The following ST8SIA6 variants were observed in gnomAD, a reference collection of about 807,000 sequenced individuals.
ST8SIA6 encodes alpha-2,8-sialyltransferase 8F.
In ST8SIA6, 39 loss-of-function variants were observed where a neutral mutation model predicts 33.6. That is an observed-to-expected ratio of 1.16 (90% CI 0.90 to 1.52). ST8SIA6 has a LOEUF of 1.52. Among genes scored for constraint, ST8SIA6 ranks in the 40% most tolerant of loss-of-function variants. The pLI is 0.00. For synonymous variants in ST8SIA6, 172 were observed against 167.2 expected, an observed-to-expected ratio of 1.03 and a Z score of -0.22; for missense variants, 441 against 443.8, an observed-to-expected ratio of 0.99 and a Z score of 0.06.
At chr10:17,363,192 G>T (rs12266415) in intron 3 of ST8SIA6, among the ~76,000 whole-genome samples, 5,662 of 151,858 alleles carry the variant, frequency 0.037, 162 homozygotes, top group East Asian at 0.084. Context: ...TGTATCTATC[G>T]CTTGAGAATT....
chr10:17,437,546 G>T (rs1852312107), intron 2 of ST8SIA6, among the ~76,000 whole-genome samples: 1 of 152,056 alleles, frequency 6.6e-6, no homozygotes, highest in Non-Finnish European at 1.5e-5. Context: ...ACCTTGGAGA[G>T]ATCAACAACA....
intron 2 of ST8SIA6, among the ~76,000 whole-genome samples, chr10:17,426,314 C>T (rs900476899): frequency 6.6e-6 from 1 of 152,112 alleles, no homozygotes; most frequent in African/African-American, 2.4e-5. Context: ...TCTCCCTTTA[C>T]CAATGGGGTG....
In ST8SIA6 at chr10:17,374,748, A is replaced by AT. The variant is rs1554792809; in HGVS notation, c.291-15149_291-15148insA. 4.3e-3 allele frequency among the ~76,000 whole-genome samples: 293 copies of AT among 67,610 alleles called. 4 individuals are homozygous for AT. Among genetic ancestry groups the AT allele is most frequent in the South Asian group, 0.043 (71 of 1,658 alleles). The allele number at this position is 67,610 out of a possible 152,430, so 44.4% of individuals were successfully genotyped here. On this transcript the variant is annotated intron_variant, in intron 3 of 7. Coordinates refer to ENST00000377602, the MANE Select transcript of ST8SIA6 (RefSeq NM_001004470.3). ...TAAATAAATAAATAAATAAATAAATAATAAATATATATATATATATTTAGC... is the reference window on the plus strand; with the variant it reads ...TAAATAAATAAATAAATAAATAAATATATAAATATATATATATATATTTAGC...
chr10:17,417,354 A>G (rs1310897809), intron 2 of ST8SIA6, among the ~76,000 whole-genome samples: 1 of 151,768 alleles, frequency 6.6e-6, no homozygotes, highest in Non-Finnish European at 1.5e-5. Context: ...AAACCCTATC[A>G]CCCTCCATGA....
intron 2 of ST8SIA6, among the ~76,000 whole-genome samples, chr10:17,423,267 T>C (rs1851834714): frequency 6.6e-6 from 1 of 152,254 alleles, no homozygotes; most frequent in Admixed American, 6.5e-5. Context: ...TGCGCACTTC[T>C]GTTCTCGAAA....
chr10:17,355,917 A>G (rs1315855512), intron 4 of ST8SIA6, among the ~76,000 whole-genome samples: 8 of 151,970 alleles, frequency 5.3e-5, no homozygotes, highest in Admixed American at 2.0e-4. Context: ...ATCACTCCCA[A>G]ATTGGTCTCA....
At chr10:17,396,971 C>CT (rs1228708215) in intron 2 of ST8SIA6, among the ~76,000 whole-genome samples, 1 of 152,210 alleles carries the variant, frequency 6.6e-6, no homozygotes, top group Non-Finnish European at 1.5e-5. Flanking sequence ...CCTTTGACCT[C>CT]TGACTACTAC....
At chr10:17,333,640 G>A (rs1478026389) in intron 4 of ST8SIA6, among the ~76,000 whole-genome samples, 2 of 126,658 alleles carry the variant, frequency 1.6e-5, no homozygotes, top group Non-Finnish European at 3.2e-5. Flanking sequence ...AAGCAAAGGG[G>A]AAAGGATTCC....
At chr10:17,354,580 A>T (rs1035386023) in intron 4 of ST8SIA6, among the ~76,000 whole-genome samples, 7 of 152,192 alleles carry the variant, frequency 4.6e-5, no homozygotes, top group Admixed American at 2.0e-4. Flanking sequence ...TCTTTAACTG[A>T]GTTCAACTAG....
intron 2 of ST8SIA6, among the ~76,000 whole-genome samples, chr10:17,439,271 CTTTT>C (rs146928120): frequency 0.04 from 5,003 of 124,208 alleles, 196 homozygotes; most frequent in African/African-American, 0.096. Flanking sequence ...TCTTCCCTCT[CTTTT>C]TTTTTTTTTT....
Position 17,320,844 on chromosome 10 carries a change from A to G in ST8SIA6, c.*34T>C, listed in dbSNP as rs2131570409. The G allele has an allele frequency of 6.3e-7, 1 of 1,596,548 alleles. No individual in the cohort carries two copies. Among genetic ancestry groups the G allele is most frequent in the Non-Finnish European group, 8.6e-7 (1 of 1,165,470 alleles). ...GACATTGTTAATCACCTACTGCATT[A>G]TATTAAAATTATTCCCATTTTAAGA... On this transcript the variant is annotated 3_prime_UTR_variant, in exon 8 of 8. Coordinates refer to ENST00000377602, the MANE Select transcript of ST8SIA6 (RefSeq NM_001004470.3).
chr10:17,383,571 A>G (rs1253834678), intron 3 of ST8SIA6, among the ~76,000 whole-genome samples: 1 of 152,168 alleles, frequency 6.6e-6, no homozygotes, highest in East Asian at 1.9e-4. Flanking sequence ...GCTGTCTTAA[A>G]ACTTCTTTTT....
At chr10:17,325,493 A>G (rs1848103658) in intron 6 of ST8SIA6, among the ~76,000 whole-genome samples, 1 of 145,052 alleles carries the variant, frequency 6.9e-6, no homozygotes, top group Non-Finnish European at 1.5e-5. Context: ...TATTACTACT[A>G]CTGTAATACA....
intron 3 of ST8SIA6, chr10:17,386,790 A>T (rs1005841885): frequency 2.0e-5 from 3 of 152,214 alleles, no homozygotes. Flanking sequence ...TCCCGTAAAC[A>T]GGAAGTGTTT....
intron 2 of ST8SIA6, among the ~76,000 whole-genome samples, chr10:17,437,282 G>A (rs1852299548): frequency 6.6e-6 from 1 of 151,848 alleles, no homozygotes; most frequent in Non-Finnish European, 1.5e-5. Flanking sequence ...GCCTCAACCT[G>A]CCAAGTAGTT....
chr10:17,343,115 G>T (rs1413385748), intron 4 of ST8SIA6, among the ~76,000 whole-genome samples: 1 of 152,124 alleles, frequency 6.6e-6, no homozygotes. Flanking sequence ...AGGCTCTGGG[G>T]ATATGCCAAG....
At chr10:17,448,626 TTG>T (rs1323314965) in intron 2 of ST8SIA6, among the ~76,000 whole-genome samples, 29 of 150,770 alleles carry the variant, frequency 1.9e-4, no homozygotes, top group African/African-American at 7.2e-4. Flanking sequence ...GTTGTTGTTG[TTG>T]TTTTTGAGAC....
At chr10:17,435,867 C>G (rs895984299) in intron 2 of ST8SIA6, among the ~76,000 whole-genome samples, 1 of 152,162 alleles carries the variant, frequency 6.6e-6, no homozygotes, top group Non-Finnish European at 1.5e-5. Context: ...GTTACATCCT[C>G]TCATATCCCA....
chr10:17,379,081 G>A (rs368917571), intron 3 of ST8SIA6, among the ~76,000 whole-genome samples: 6 of 149,918 alleles, frequency 4.0e-5, no homozygotes, highest in Middle Eastern at 3.5e-3. Context: ...AGCTGAGATC[G>A]CACCACTGCA....
Sources: gnomAD v4.1 joint callset for allele counts (sites outside exome capture counted in the v4.1 genomes callset) on GRCh38, gnomAD v4.1.1 for gene constraint, MANE v1.5 for transcripts, NCBI Gene and HGNC (gene_info 2026-07-23, HGNC 2026-07-21) for gene names.